Variants in ADAMTS14 observed in about 807,000 individuals in gnomAD.
The protein encoded by ADAMTS14 is A disintegrin and metalloproteinase with thrombospondin motifs 14.
Under a neutral mutation model 128.6 loss-of-function variants are expected in ADAMTS14, and 100 were observed. The ratio of observed to expected loss-of-function variants is 0.78; its 90% CI spans 0.66 to 0.92. ADAMTS14 has a LOEUF of 0.92. Ranked by LOEUF, ADAMTS14 falls within the 40% of genes least tolerant of loss-of-function variation. The probability of loss-of-function intolerance (pLI) is 0.00; values close to 1 mark genes in which losing one functional copy is unlikely to be tolerated. For synonymous variants in ADAMTS14, 665 were observed against 653.8 expected (o/e 1.02, Z -0.26); for missense variants, 1,562 against 1,658.6 (o/e 0.94, Z 1.01).
intron 2 of ADAMTS14, among the ~76,000 whole-genome samples, chr10:70,687,357 G>T (rs1428961404): frequency 1.5e-5 from 1 of 68,932 alleles, no homozygotes; most frequent in African/African-American, 4.7e-5. Context: ...CCTCCCTCCC[G>T]GACGGGGCGG....
Position 70,753,849 on chromosome 10 carries a change from G to A in ADAMTS14, c.2779G>A (p.Gly927Arg), listed in dbSNP as rs1345024991. 2 of 1,594,142 alleles carry A rather than the reference G, an allele frequency of 1.3e-6. No individual in the cohort carries two copies. The highest frequency in any genetic ancestry group is 8.5e-7 in the Non-Finnish European group (1 of 1,171,612). Residue 927 changes from glycine to arginine, a missense_variant, in exon 19 of 22, where the codon GGG becomes AGG. Gly to Arg is a moderately radical substitution (Grantham distance 125). Transcript: ENST00000373207. Reference protein sequence around the residue: ...GACSRSCGKLGVQTRGIQCLL... With the variant: ...GACSRSCGKLRVQTRGIQCLL... Reference sequence around the variant, plus strand: ...CTGCAGCCGGAGCTGTGGGAAGCTGGGGGTGCAGACACGGGGGATACAGTG... The same window carrying A: ...CTGCAGCCGGAGCTGTGGGAAGCTGAGGGTGCAGACACGGGGGATACAGTG...
chr10:70,721,511 G>A (rs1360104330), intron 4 of ADAMTS14, among the ~76,000 whole-genome samples: 1 of 151,592 alleles, frequency 6.6e-6, no homozygotes, highest in South Asian at 2.1e-4. Context: ...TCAGCCTCCC[G>A]AGTAGCTAGG....
intron 2 of ADAMTS14, among the ~76,000 whole-genome samples, chr10:70,694,849 C>T (rs1302839891): frequency 6.6e-6 from 1 of 152,194 alleles, no homozygotes; most frequent in African/African-American, 2.4e-5. Context: ...AACAACTTTT[C>T]TTTGCGTGGA....
chr10:70,686,274 C>CTTTTTTTT (rs5785998), intron 2 of ADAMTS14, among the ~76,000 whole-genome samples: 1 of 125,332 alleles, frequency 8.0e-6, no homozygotes, highest in African/African-American at 3.0e-5. Context: ...TCAGCCTTTG[C>CTTTTTTTT]TTTTTTTTTT....
At chr10:70,752,825 A>G (rs1263586847) in intron 18 of ADAMTS14, among the ~76,000 whole-genome samples, 2 of 152,102 alleles carry the variant, frequency 1.3e-5, no homozygotes, top group Non-Finnish European at 2.9e-5. Flanking sequence ...AGGGCTGGGC[A>G]TGTAATTGGG....
Position 70,729,353 on chromosome 10 carries a change from C to CT in ADAMTS14, c.932dup (p.Leu311PhefsTer41). On this transcript the variant is annotated frameshift_variant, in exon 5 of 22. Coordinates refer to ENST00000373207, the MANE Select transcript of ADAMTS14 (RefSeq NM_080722.4). LOFTEE classifies it high-confidence loss of function. ...TTCATATAAATATTGCCCTCGTCCG[C>CT]TTGATCATGGTTGGCTACCGACAGG... 1 of 1,613,912 alleles carries CT rather than the reference C, an allele frequency of 6.2e-7. No homozygotes were observed. The highest frequency in any genetic ancestry group is 8.5e-7 in the Non-Finnish European group (1 of 1,179,968).
intron 1 of ADAMTS14, among the ~76,000 whole-genome samples, chr10:70,674,136 ACTACCCCAG>A (rs1564513994): frequency 3.9e-5 from 6 of 152,096 alleles, no homozygotes; most frequent in Admixed American, 1.3e-4. Context: ...GGAGGAGGGC[ACTACCCCAG>A]CCTGGGCTGG....
intron 9 of ADAMTS14, 61 bp from the exon 10 acceptor site, chr10:70,736,619 A>C: frequency 1.3e-6 from 2 of 1,503,658 alleles, no homozygotes; most frequent in Middle Eastern, 1.9e-4. Context: ...CTCCATCACT[A>C]CCCTTTGTTC....
intron 10 of ADAMTS14, 92 bp from the exon 11 acceptor site, chr10:70,738,750 G>A: frequency 1.3e-6 from 2 of 1,570,412 alleles, no homozygotes; most frequent in Non-Finnish European, 1.7e-6. Context: ...CCTAAACCCA[G>A]GCTCATGCTC....
intron 2 of ADAMTS14, among the ~76,000 whole-genome samples, chr10:70,687,963 T>G (rs1840035190): frequency 3.7e-5 from 2 of 54,086 alleles, no homozygotes; most frequent in African/African-American, 8.1e-5. Flanking sequence ...GGCGGGGGGC[T>G]GACCCCCCCC....
chr10:70,674,603 T>C lies in ADAMTS14; in HGVS notation c.130T>C (p.Cys44Arg). Residue 44 changes from cysteine (C) to arginine (R), a missense_variant, in exon 2 of 22, where the codon TGC becomes CGC. Cys to Arg is a radical substitution (Grantham distance 180). Transcript: ENST00000373207. ...CAGTGACTATGGTGTGACAGTGCCC[T>C]GCAGCACAGACTTTCGGGGACGCTT... ...KLSDYGVTVPCSTDFRGRFLS... is the reference protein window; with the variant it reads ...KLSDYGVTVPRSTDFRGRFLS... 6.2e-7 allele frequency: 1 copy of C among 1,614,024 alleles called. No homozygotes were observed. Among genetic ancestry groups the C allele is most frequent in the Non-Finnish European group, 8.5e-7 (1 of 1,180,012 alleles).
chr10:70,714,361 G>A (rs750431), intron 4 of ADAMTS14, among the ~76,000 whole-genome samples: 21,463 of 152,212 alleles, frequency 0.14, 1,914 homozygotes, highest in Middle Eastern at 0.24. Context: ...GGCGTGCAGA[G>A]ACAGGCTGTA....
intron 2 of ADAMTS14, among the ~76,000 whole-genome samples, chr10:70,699,744 T>A (rs548805486): frequency 8.5e-5 from 13 of 152,294 alleles, no homozygotes; most frequent in African/African-American, 3.1e-4. Context: ...ATCCTCTTTG[T>A]GGAGCCATTT....
chr10:70,693,419 A>G (rs2132571417), intron 2 of ADAMTS14, among the ~76,000 whole-genome samples: 1 of 152,280 alleles, frequency 6.6e-6, no homozygotes, highest in South Asian at 2.1e-4. Context: ...GCTTCCATGC[A>G]TGCTTCAAAG....
At chr10:70,692,826 C>T (rs10999473) in intron 2 of ADAMTS14, among the ~76,000 whole-genome samples, 35,850 of 152,126 alleles carry the variant, frequency 0.24, 4,351 homozygotes, top group Non-Finnish European at 0.25. Flanking sequence ...GATGTTCAAC[C>T]ACTGGTATTC....
chr10:70,722,418 T>A (rs950085620), intron 4 of ADAMTS14, among the ~76,000 whole-genome samples: 2 of 152,116 alleles, frequency 1.3e-5, no homozygotes, highest in East Asian at 3.8e-4. Flanking sequence ...TCAGGGAAGG[T>A]GTATGAGCAG....
intron 21 of ADAMTS14, among the ~76,000 whole-genome samples, chr10:70,759,988 G>A (rs1190413619): frequency 6.6e-6 from 1 of 152,238 alleles, no homozygotes; most frequent in Admixed American, 6.5e-5. Flanking sequence ...GCGCCCACAC[G>A]TGGAGTCCCC....
chr10:70,749,805 C>T lies in ADAMTS14; in HGVS notation c.2264-17C>T. ...GAGGAGCAGAAATCTGTGTGACCCT[C>T]TCCCCCCACCGGTCAGTGGTGAAGA... On this transcript the variant is annotated splice_polypyrimidine_tract_variant and intron_variant, in intron 15 of 21. Transcript: ENST00000373207. 1 of 1,612,482 alleles carries T rather than the reference C, an allele frequency of 6.2e-7. No individual in the cohort carries two copies. The highest frequency in any genetic ancestry group is 8.5e-7 in the Non-Finnish European group (1 of 1,179,048).
chr10:70,673,864 A>G (rs1839558732), intron 1 of ADAMTS14, among the ~76,000 whole-genome samples: 1 of 152,126 alleles, frequency 6.6e-6, no homozygotes, highest in Non-Finnish European at 1.5e-5. Context: ...TGGGGCCATG[A>G]CCTCACAGTT....
Sources: gnomAD v4.1 joint callset for allele counts (sites outside exome capture counted in the v4.1 genomes callset) on GRCh38, gnomAD v4.1.1 for gene constraint, MANE v1.5 for transcripts, NCBI Gene and HGNC (gene_info 2026-07-23, HGNC 2026-07-21) for gene names.